Variants in C1R observed in about 807,000 individuals in gnomAD.
C1R encodes complement C1r.
C1R carries 15 observed loss-of-function variants against 27.6 expected under a neutral mutation model. The observed-to-expected ratio is 0.54, with a 90% CI of 0.36 to 0.84. C1R has a LOEUF of 0.84. C1R is among the 40% of genes least tolerant of loss of function. C1R has a pLI of 0.01. For missense variants in C1R, 544 were observed against 577.9 expected (o/e 0.94, Z 0.60); for synonymous variants, 253 against 228.8 (o/e 1.11, Z -0.95).
At position 7,081,214 on chromosome 12, in the gene C1R, A is replaced by T; in HGVS notation, c.1436T>A (p.Val479Glu). 6.2e-7 allele frequency: 1 copy of T among 1,613,274 alleles called. No homozygotes were observed. The highest frequency in any genetic ancestry group is 1.1e-5 in the South Asian group (1 of 91,012). Residue 479 changes from valine (V) to glutamate (E), a missense_variant, in exon 11 of 11, where the codon GTG becomes GAG. Val to Glu is a moderately radical substitution (Grantham distance 121). Transcript: ENST00000647956. Reference protein sequence around the residue: ...KAKMGNFPWQVFTNIHGRGGG... With the variant: ...KAKMGNFPWQEFTNIHGRGGG... ...CCCGCGCCCGTGGATGTTGGTGAAC[A>T]CCTGCCAGGGGAAGTTGCCCATCTT...
In C1R at chr12:7,091,426, C is replaced by G; in HGVS notation, c.231+26G>C. The G allele has an allele frequency of 1.4e-6, 1 of 728,146 alleles. No individual in the cohort carries two copies. Among genetic ancestry groups the G allele is most frequent in the Non-Finnish European group, 2.6e-6 (1 of 390,570 alleles). The allele number at this position is 728,146 out of a possible 1,614,324, so 45.1% of individuals were successfully genotyped here. ...TCCCAGAGGGCCCAGTTTTGTCTCC[C>G]CTCTGCCCGCCCATCCTGCCCCTAC... On this transcript the variant is annotated intron_variant, in intron 2 of 10. Coordinates refer to ENST00000647956, the MANE Select transcript of C1R (RefSeq NM_001733.7). This position sits in a 1 kb window ranked among gnomAD's most constrained non-coding sequence, Gnocchi z 5.1.
At position 7,090,085 on chromosome 12, in the gene C1R, T is replaced by C. The variant is rs780249848; in HGVS notation, c.395A>G (p.Lys132Arg). The C allele has an allele frequency of 1.4e-5, 11 of 777,464 alleles. No individual in the cohort carries two copies. The Admixed American group carries it at 1.5e-4, about 11-fold the overall frequency. The allele number at this position is 777,464 out of a possible 1,614,324, so 48.2% of individuals were successfully genotyped here. A position where few individuals can be genotyped will look rare whatever the true frequency, so the allele number is the denominator to read the frequency against. Residue 132 changes from lysine (K) to arginine (R), a missense_variant, in exon 3 of 11, where the codon AAG becomes AGG. By Grantham distance (26) the Lys-to-Arg change is conservative. This residue lies in a region of C1R where 291 missense variants were observed against 209.0 expected (regional missense o/e 1.39). Coordinates refer to ENST00000647956, the MANE Select transcript of C1R (RefSeq NM_001733.7). ...AGCTTGGTAGTAGGCCAGGAAGCCC[T>C]TGTAGAACATGATGGTCCCATTCTC... The part of the protein sequence containing the change: ...NEENGTIMFY[K>R]GFLAYYQAVD...
Position 7,080,831 on chromosome 12 carries a change from G to A in C1R, c.1819C>T (p.Leu607Phe). 2 of 1,613,960 alleles carry A rather than the reference G, an allele frequency of 1.2e-6. No individual in the cohort carries two copies. The highest frequency in any genetic ancestry group is 8.5e-7 in the Non-Finnish European group (1 of 1,179,880). ...GVMEEKIAHD[L>F]RFVRLPVANP... ...GCTACGGGCAGACGGACAAACCTGA[G>A]GTCATGAGCAATCTTCTCCTCCATG... Residue 607 changes from leucine to phenylalanine, a missense_variant, in exon 11 of 11, where the codon CTC (leucine) becomes TTC (phenylalanine). Leu to Phe is a conservative substitution (Grantham distance 22). Around this residue, in one of 2 missense-constraint regions of C1R, gnomAD observed 253 missense variants for 368.9 expected, o/e 0.69. Coordinates refer to ENST00000647956, the MANE Select transcript of C1R (RefSeq NM_001733.7). This position sits in a 1 kb window ranked among gnomAD's most constrained non-coding sequence, Gnocchi z 4.9.
chr12:7,087,961 T>G lies in C1R; in HGVS notation c.1038+649A>C, dbSNP rs1417055273. 4 of 156,900 alleles carry G rather than the reference T, an allele frequency of 2.5e-5. No homozygotes were observed. In the South Asian group the frequency reaches 7.8e-4, roughly 31 times the overall value. The allele number at this position is 156,900 out of a possible 1,614,324, so 9.7% of individuals were successfully genotyped here. The stretch of plus-strand genomic sequence containing the variant: ...ACAGAGATTTTTAGTTTACCAGCTT[T>G]TGTGAGATTGATCAATGGATAAAAC... On this transcript the variant is annotated intron_variant, in intron 7 of 10. Transcript: ENST00000647956.
intron 5 of C1R, 144 bp downstream of exon 5, chr12:7,089,149 T>C (rs1406032309): frequency 1.6e-6 from 1 of 636,990 alleles, no homozygotes. Context: ...CAATTCTAGT[T>C]GTGTGGGAAC....
Position 7,091,878 on chromosome 12 carries a change from C to T in C1R, c.3-198G>A, listed in dbSNP as rs1177104453. ...TGTGCAGCTGCTGCATCGGGTCACT[C>T]TCCAGGGCAGTGTCCAGTCCAGAGG... is the stretch of plus-strand genomic sequence containing the variant. On this transcript the variant is annotated intron_variant, in intron 1 of 10. Coordinates refer to ENST00000647956, the MANE Select transcript of C1R (RefSeq NM_001733.7). This position sits in a 1 kb window ranked among gnomAD's most constrained non-coding sequence, Gnocchi z 5.1. The T allele has an allele frequency of 1.4e-6, 1 of 693,838 alleles. No individual in the cohort carries two copies. The highest frequency in any genetic ancestry group is 2.6e-6 in the Non-Finnish European group (1 of 380,820). 43.0% of individuals were successfully genotyped at this position (693,838 alleles called of 1,614,324 possible).
In C1R at chr12:7,081,287, C is replaced by T. The variant is rs771519326; in HGVS notation, c.1363G>A (p.Val455Met). 36 of 1,610,056 alleles carry T rather than the reference C, an allele frequency of 2.2e-5. No homozygotes were observed. The highest frequency in any genetic ancestry group is 5.1e-5 in the Admixed American group (3 of 59,356). The change falls in exon 11 of 11, where the codon GTG (valine) becomes ATG (methionine). Residue 455 changes from valine (V) to methionine (M), a missense_variant. Physicochemically the swap from Val to Met is conservative, Grantham distance 21. Around this residue, in one of 2 missense-constraint regions of C1R, gnomAD observed 253 missense variants for 368.9 expected, o/e 0.69. Coordinates refer to ENST00000647956, the MANE Select transcript of C1R (RefSeq NM_001733.7). Reference sequence around the variant, plus strand: ...CGCTGCCTCTGTTCCACGGGGTTCACGGGCTTCCCACACACTGAGGGAGAG... The same window carrying T: ...CGCTGCCTCTGTTCCACGGGGTTCATGGGCTTCCCACACACTGAGGGAGAG... Reference protein sequence around the residue: ...PRCLPVCGKPVNPVEQRQRII... With the variant: ...PRCLPVCGKPMNPVEQRQRII...
chr12:7,081,879 T>C (rs969896962), intron 10 of C1R, among the ~76,000 whole-genome samples, 153 bp downstream of exon 10: 1 of 152,218 alleles, frequency 6.6e-6, no homozygotes. Flanking sequence ...TGGCAGCATT[T>C]CGGGACTGAA....
Position 7,080,479 on chromosome 12 carries a change from TG to T in C1R, c.*52del. On this transcript the variant is annotated 3_prime_UTR_variant, in exon 11 of 11. Coordinates refer to ENST00000647956, the MANE Select transcript of C1R (RefSeq NM_001733.7). This position sits in a 1 kb window ranked among gnomAD's most constrained non-coding sequence, Gnocchi z 4.9. ...TATCAACAACTGGTCAGTTGTTTTT[TG>T]TTTTTTTTTTTCCACACTGCTCTCT... The T allele has an allele frequency of 6.6e-7, 1 of 1,508,892 alleles. No individual in the cohort carries two copies. Among genetic ancestry groups the T allele is most frequent in the Non-Finnish European group, 8.9e-7 (1 of 1,129,930 alleles). The allele number at this position is 1,508,892 out of a possible 1,614,324, so 93.5% of individuals were successfully genotyped here.
chr12:7,086,804 T>C (rs1938163523), intron 7 of C1R: 2 of 175,612 alleles, frequency 1.1e-5, no homozygotes, highest in Non-Finnish European at 2.4e-5. Context: ...GTTTTCTGTA[T>C]CAAAACAAAA....
chr12:7,084,734 G>T (rs1295603298), intron 9 of C1R, among the ~76,000 whole-genome samples: 2 of 48,820 alleles, frequency 4.1e-5, no homozygotes, highest in Non-Finnish European at 8.9e-5. Context: ...GGTGTTGGTG[G>T]TGGTGATGGT....
intron 10 of C1R, among the ~76,000 whole-genome samples, chr12:7,081,689 C>T (rs998677814): frequency 1.3e-5 from 2 of 152,056 alleles, no homozygotes; most frequent in African/African-American, 2.4e-5. Context: ...GGCTGGGTTT[C>T]GCCATGTTGG....
rs1186556167 is a variant in C1R at position 7,092,420 on chromosome 12, C to G, written c.-32G>C. 1.3e-6 allele frequency: 1 copy of G among 780,672 alleles called. No individual in the cohort carries two copies. The highest frequency in any genetic ancestry group is 2.4e-6 in the Non-Finnish European group (1 of 417,964). 48.4% of individuals were successfully genotyped at this position (780,672 alleles called of 1,614,324 possible). On this transcript the variant is annotated 5_prime_UTR_variant, in exon 1 of 11. Transcript: ENST00000647956. The stretch of plus-strand genomic sequence containing the variant: ...AGGCCCGTGTTGAATCCTGGGCTCT[C>G]CCGACAGCGTCTTCGTGCACTGTGT...
intron 7 of C1R, 186 bp downstream of exon 7, chr12:7,088,424 C>T (rs1200234250): frequency 2.8e-6 from 2 of 703,982 alleles, no homozygotes; most frequent in Non-Finnish European, 5.2e-6. Context: ...CTCAAGCAAT[C>T]TTCCAGGATT....
Position 7,085,933 on chromosome 12 carries a change from G to A in C1R, c.1201C>T (p.Arg401Cys), listed in dbSNP as rs905416546. 4.8e-5 allele frequency: 19 copies of A among 398,478 alleles called. No individual in the cohort carries two copies. The highest frequency in any genetic ancestry group is 7.5e-5 in the Non-Finnish European group (17 of 226,078). The allele number at this position is 398,478 out of a possible 1,614,324, so 24.7% of individuals were successfully genotyped here. A position where few individuals can be genotyped will look rare whatever the true frequency, so the allele number is the denominator to read the frequency against. Residue 401 changes from arginine (R) to cysteine (C), a missense_variant, in exon 9 of 11, where the codon CGT (arginine) becomes TGT (cysteine). Transcript: ENST00000647956. ...GGCTCATGGCAGTAGTACTGGATAC[G>A]GGCCTTGTAGGTGTTCACTCCCATT... is the stretch of plus-strand genomic sequence containing the variant. The part of the protein sequence containing the change: ...TTMGVNTYKA[R>C]IQYYCHEPYY...
intron 3 of C1R, 37 bp downstream of exon 3, chr12:7,090,019 G>T: frequency 1.4e-6 from 1 of 740,674 alleles, no homozygotes. Flanking sequence ...CAATATGGCT[G>T]AGGTCAGAGA....
intron 7 of C1R, chr12:7,087,929 TC>T (rs1938179874): frequency 6.4e-6 from 1 of 157,436 alleles, no homozygotes; most frequent in African/African-American, 2.4e-5. Context: ...TGGGTCTCTG[TC>T]CAGAGACAGA....
intron 9 of C1R, 119 bp downstream of exon 9, chr12:7,085,742 A>G (rs1938146563): frequency 2.5e-6 from 1 of 397,126 alleles, no homozygotes; most frequent in Non-Finnish European, 4.4e-6. Context: ...TAGGCCCCTG[A>G]AGCCAGTGCC....
Position 7,081,980 on chromosome 12 carries a change from C to A in C1R, c.1348+52G>T, listed in dbSNP as rs948846954. On this transcript the variant is annotated intron_variant, in intron 10 of 10. Coordinates refer to ENST00000647956, the MANE Select transcript of C1R (RefSeq NM_001733.7). ...TTTCTGGGCCACACTGCTTTTGAGG[C>A]CCTGCAGGCTGCTAAAGACCCTGAT... 8 of 1,478,690 alleles carry A rather than the reference C, an allele frequency of 5.4e-6. No individual in the cohort carries two copies. The Admixed American group carries it at 6.0e-5, about 11-fold the overall frequency. The allele number at this position is 1,478,690 out of a possible 1,614,324, so 91.6% of individuals were successfully genotyped here.
Sources: allele counts gnomAD v4.1 joint callset (sites outside exome capture counted in the v4.1 genomes callset), GRCh38; gene constraint gnomAD v4.1.1; regional missense constraint gnomAD v4.1.1; non-coding constraint Gnocchi (gnomAD v3.1); transcripts MANE v1.5; gene names NCBI Gene and HGNC (gene_info 2026-07-23, HGNC 2026-07-21).